ATP10B: variants seen among roughly 807,000 people sequenced by gnomAD.
The protein encoded by ATP10B is ATPase phospholipid transporting 10B (putative).
Under a neutral mutation model 141.2 loss-of-function variants are expected in ATP10B, and 122 were observed. The ratio of observed to expected loss-of-function variants is 0.86; its 90% confidence interval spans 0.75 to 1.00. ATP10B has a LOEUF of 1.00. Ranked by LOEUF, ATP10B falls within the 50% of genes least tolerant of loss-of-function variation. The pLI is 0.00. For missense variants in ATP10B, 1,876 were observed against 1,825.3 expected, an observed-to-expected ratio of 1.03 and a Z score of -0.51; for synonymous variants, 685 against 692.0, an observed-to-expected ratio of 0.99 and a Z score of 0.16.
chr5:160,637,021 C>CATGA (rs1554098775), intron 10 of ATP10B, among the ~76,000 whole-genome samples: 5 of 45,528 alleles, frequency 1.1e-4, no homozygotes, highest in African/African-American at 2.6e-4. Flanking sequence ...TCCATCTATC[C>CATGA]ATCCATCCAT....
Position 160,716,906 on chromosome 5 carries a change from T to C in ATP10B, c.-205+3A>G. ...AAACGGGGAAGCAACGCAAAAGATA[T>C]ACCTGTTAGCGGAGTCCCTTTAAGG... On this transcript the variant is annotated splice_donor_region_variant and intron_variant, in intron 3 of 25. Transcript: ENST00000327245. 2.0e-6 allele frequency: 2 copies of C among 985,378 alleles called. No individual in the cohort carries two copies. The highest frequency in any genetic ancestry group is 1.2e-6 in the Non-Finnish European group (1 of 829,880). 61.0% of individuals were successfully genotyped at this position (985,378 alleles called of 1,614,324 possible).
chr5:160,797,710 A>G (rs762960858), intron 1 of ATP10B, among the ~76,000 whole-genome samples: 2 of 151,690 alleles, frequency 1.3e-5, no homozygotes, highest in Non-Finnish European at 2.9e-5. Context: ...TCAAACCTAC[A>G]TTTTAATGAG....
At chr5:160,608,545 G>A (rs576264837) in intron 18 of ATP10B, among the ~76,000 whole-genome samples, 10 of 152,200 alleles carry the variant, frequency 6.6e-5, no homozygotes, top group Admixed American at 2.6e-4. Context: ...CACGCCCACC[G>A]ATAGTGTAAA....
chr5:160,743,505 A>C (rs1767615384), intron 2 of ATP10B, among the ~76,000 whole-genome samples: 1 of 152,180 alleles, frequency 6.6e-6, no homozygotes, highest in South Asian at 2.1e-4. Flanking sequence ...AGTTGGAGGC[A>C]ATAGGAGACT....
the ATP10B span, among the ~76,000 whole-genome samples, chr5:160,880,568 G>A: frequency 6.6e-6 from 1 of 152,232 alleles, no homozygotes; most frequent in Non-Finnish European, 1.5e-5. Context: ...ATGTGGTACT[G>A]GTAAAATAAT....
At position 160,605,261 on chromosome 5, in the gene ATP10B, T is replaced by C. The variant is rs115987130; in HGVS notation, c.3161-1220A>G. On this transcript the variant is annotated intron_variant, in intron 19 of 25. Transcript: ENST00000327245. ...AAAATGGGAGGGAGAGAATGATTCTTCTAGTTATCTGATGACACATTTATT... is the reference window on the plus strand; with the variant it reads ...AAAATGGGAGGGAGAGAATGATTCTCCTAGTTATCTGATGACACATTTATT... Among the ~76,000 whole-genome samples the C allele has an allele frequency of 5.6e-3, 860 of 152,314 alleles. 3 individuals carry two copies. The highest frequency in any genetic ancestry group is 0.011 in the Admixed American group (162 of 15,292).
intron 1 of ATP10B, among the ~76,000 whole-genome samples, chr5:160,815,402 A>G (rs921901315): frequency 6.6e-6 from 1 of 152,234 alleles, no homozygotes; most frequent in African/African-American, 2.4e-5. Context: ...AGCCCATTAC[A>G]TAATGGTAAA....
chr5:160,670,422 T>C (rs3828604), intron 7 of ATP10B, 41 bp downstream of exon 7: 1,382,186 of 1,603,032 alleles, frequency 0.86, 597,355 homozygotes, highest in African/African-American at 0.93. Context: ...CTTGCATCCT[T>C]TCTATGACTT....
In ATP10B at chr5:160,644,802, T is replaced by C. The variant is rs567644023; in HGVS notation, c.762-558A>G. Among the ~76,000 whole-genome samples, 273 of 152,262 alleles carry C rather than the reference T, an allele frequency of 1.8e-3. 3 individuals carry two copies. Among genetic ancestry groups the C allele is most frequent in the African/African-American group, 6.4e-3 (265 of 41,552 alleles). On this transcript the variant is annotated intron_variant, in intron 8 of 25. Coordinates refer to ENST00000327245, the MANE Select transcript of ATP10B (RefSeq NM_025153.3). The stretch of plus-strand genomic sequence containing the variant: ...AATCCACCCTTTGTTTAGCATATAA[T>C]CAAGAAACACCCATAAAAATGGGCA...
intron 1 of ATP10B, among the ~76,000 whole-genome samples, chr5:160,802,960 G>A (rs1315935289): frequency 6.6e-6 from 1 of 152,160 alleles, no homozygotes; most frequent in East Asian, 1.9e-4. Flanking sequence ...ACATAAGGTT[G>A]TCAGCTGCTT....
the ATP10B span, among the ~76,000 whole-genome samples, chr5:160,908,303 C>T: frequency 5.2e-4 from 79 of 152,206 alleles, no homozygotes; most frequent in East Asian, 0.014. Context: ...TGGATTCAGG[C>T]CTATGGAGAT....
intron 1 of ATP10B, among the ~76,000 whole-genome samples, chr5:160,791,083 G>A (rs1771532965): frequency 6.6e-6 from 1 of 151,152 alleles, no homozygotes; most frequent in Admixed American, 6.6e-5. Context: ...AGGAAATATG[G>A]GCCTGCAGTC....
chr5:160,676,479 C>T (rs988205719), intron 6 of ATP10B, among the ~76,000 whole-genome samples: 1 of 152,214 alleles, frequency 6.6e-6, no homozygotes, highest in African/African-American at 2.4e-5. Flanking sequence ...TATTACCATC[C>T]TATTTCCTAA....
intron 18 of ATP10B, among the ~76,000 whole-genome samples, chr5:160,609,527 C>A (rs79962197): frequency 6.6e-6 from 1 of 151,964 alleles, no homozygotes; most frequent in Non-Finnish European, 1.5e-5. Context: ...TACCAGCATG[C>A]GCCACCACAC....
intron 3 of ATP10B, among the ~76,000 whole-genome samples, chr5:160,696,290 T>G (rs942683926): frequency 6.6e-6 from 1 of 152,044 alleles, no homozygotes; most frequent in Non-Finnish European, 1.5e-5. Context: ...TGTGTTTTTT[T>G]GTAGAGACAC....
At position 160,565,570 on chromosome 5, in the gene ATP10B, G is replaced by A. The variant is rs112214351; in HGVS notation, c.4269C>T (p.Ser1423=). 168 of 1,614,084 alleles carry A rather than the reference G, an allele frequency of 1.0e-4. No individual in the cohort carries two copies. The highest frequency in any genetic ancestry group is 1.6e-4 in the African/African-American group (12 of 75,034). ...CSGDSSAQLS[S]GEHLLGPNRI... ...TGTTAGGTCCCAGCAGGTGCTCCCC[G>A]GATGAGAGTTGAGCTGAGGAGTCCC... Residue 1423 remains serine (S), a synonymous_variant, in exon 26 of 26, where the codon TCC becomes TCT. Coordinates refer to ENST00000327245, the MANE Select transcript of ATP10B (RefSeq NM_025153.3).
chr5:160,775,328 C>T (rs556262773), intron 2 of ATP10B, among the ~76,000 whole-genome samples: 78 of 152,300 alleles, frequency 5.1e-4, no homozygotes, highest in African/African-American at 1.8e-3. Flanking sequence ...TGCAGGAAGG[C>T]AGATTTAGTC....
the ATP10B span, among the ~76,000 whole-genome samples, chr5:160,912,349 G>A: frequency 4.6e-5 from 7 of 150,588 alleles, no homozygotes; most frequent in African/African-American, 7.3e-5. Flanking sequence ...GACTGAAGAG[G>A]GTGGATCACT....
intron 2 of ATP10B, among the ~76,000 whole-genome samples, chr5:160,717,986 T>C (rs1041684058): frequency 2.0e-5 from 3 of 152,184 alleles, no homozygotes; most frequent in Admixed American, 6.5e-5. Flanking sequence ...GGGATCTCAG[T>C]TGGGGGGCCA....
Sources: gnomAD v4.1 joint callset for allele counts (sites outside exome capture counted in the v4.1 genomes callset) on GRCh38, gnomAD v4.1.1 for gene constraint, MANE v1.5 for transcripts, NCBI Gene and HGNC (gene_info 2026-07-23, HGNC 2026-07-21) for gene names.